The following ZBTB20 variants were observed in gnomAD, a reference collection of about 807,000 sequenced individuals.
The protein encoded by ZBTB20 is zinc finger and BTB domain containing 20.
A neutral mutation model predicts 56.9 loss-of-function variants in ZBTB20; 9 were observed. The ratio of observed to expected loss-of-function variants is 0.16; its 90% CI spans 0.10 to 0.28. ZBTB20 has a LOEUF of 0.28. ZBTB20 is among the 10% of genes least tolerant of loss of function. The pLI is 1.00. For synonymous variants in ZBTB20, 417 were observed against 420.7 expected, an observed-to-expected ratio of 0.99 and a Z score of 0.11; for missense variants, 655 against 1,003.0, an observed-to-expected ratio of 0.65 and a Z score of 4.69.
At chr3:114,897,708 G>T (rs757066089) in intron 4 of ZBTB20, among the ~76,000 whole-genome samples, 1 of 152,104 alleles carries the variant, frequency 6.6e-6, no homozygotes, top group Admixed American at 6.6e-5. Context: ...GGAAAAAACC[G>T]ATGTCTTTGA....
intron 3 of ZBTB20, among the ~76,000 whole-genome samples, chr3:114,971,632 A>C (rs939282753): frequency 1.3e-5 from 2 of 152,214 alleles, no homozygotes; most frequent in Admixed American, 6.5e-5. Context: ...AGAAACTGTC[A>C]AAAAAAGTGG....
At chr3:114,709,741 C>A (rs1452362587) in intron 5 of ZBTB20, among the ~76,000 whole-genome samples, 1 of 152,094 alleles carries the variant, frequency 6.6e-6, no homozygotes, top group Non-Finnish European at 1.5e-5. Flanking sequence ...AGGTGAGAAC[C>A]AATGGGCTAC....
At chr3:114,619,806 T>C (rs143314716) in intron 6 of ZBTB20, among the ~76,000 whole-genome samples, 3 of 152,318 alleles carry the variant, frequency 2.0e-5, no homozygotes, top group African/African-American at 2.4e-5. Flanking sequence ...GTTAAGACAG[T>C]GCAAATGATT....
At chr3:114,418,207 G>A (rs2088778668) in intron 7 of ZBTB20, among the ~76,000 whole-genome samples, 1 of 152,036 alleles carries the variant, frequency 6.6e-6, no homozygotes, top group Admixed American at 6.6e-5. Flanking sequence ...TTCTTTAGGT[G>A]TTATCTGATG....
chr3:114,440,269 G>A (rs907601283), intron 7 of ZBTB20, among the ~76,000 whole-genome samples: 2 of 151,934 alleles, frequency 1.3e-5, no homozygotes, highest in African/African-American at 4.8e-5. Context: ...GAGGATAGAT[G>A]GTTTTCTATT....
intron 7 of ZBTB20, among the ~76,000 whole-genome samples, chr3:114,402,530 CT>C (rs2086913179): frequency 6.6e-6 from 1 of 152,116 alleles, no homozygotes; most frequent in Admixed American, 6.6e-5. Flanking sequence ...GACATGGCTT[CT>C]AAAGGGGATG....
chr3:114,591,716 A>C (rs769261446), intron 6 of ZBTB20, among the ~76,000 whole-genome samples: 6 of 152,210 alleles, frequency 3.9e-5, no homozygotes, highest in Non-Finnish European at 7.4e-5. Flanking sequence ...GAAAACTAAC[A>C]ATAACTTTTA....
intron 4 of ZBTB20, among the ~76,000 whole-genome samples, chr3:114,844,541 A>ACAAAC (rs2074580559): frequency 1.4e-5 from 2 of 140,520 alleles, no homozygotes; most frequent in Non-Finnish European, 3.0e-5. Context: ...AAAAAAAAAA[A>ACAAAC]AAAAAAAAAA....
chr3:114,455,004 G>A (rs1330265074), intron 7 of ZBTB20, among the ~76,000 whole-genome samples: 6 of 141,978 alleles, frequency 4.2e-5, no homozygotes, highest in Non-Finnish European at 6.1e-5. Context: ...ACCAACCGAG[G>A]GAGGGAGAGA....
chr3:115,045,977 T>G (rs1485366279), intron 2 of ZBTB20, among the ~76,000 whole-genome samples: 4 of 152,208 alleles, frequency 2.6e-5, no homozygotes, highest in African/African-American at 9.6e-5. Context: ...AAGGTATCTC[T>G]TACTGGCTCA....
At chr3:114,672,049 T>A (rs949388948) in intron 6 of ZBTB20, among the ~76,000 whole-genome samples, 1 of 152,160 alleles carries the variant, frequency 6.6e-6, no homozygotes, top group Non-Finnish European at 1.5e-5. Flanking sequence ...ATGCAGTATG[T>A]CTGTCTATAG....
intron 4 of ZBTB20, among the ~76,000 whole-genome samples, chr3:114,834,626 C>T (rs969209492): frequency 6.6e-6 from 1 of 152,004 alleles, no homozygotes; most frequent in Non-Finnish European, 1.5e-5. Context: ...CACCTCTTAG[C>T]TCCTTTGCTC....
At chr3:115,076,223 G>T (rs2082588458) in intron 1 of ZBTB20, among the ~76,000 whole-genome samples, 2 of 151,976 alleles carry the variant, frequency 1.3e-5, no homozygotes, top group African/African-American at 4.8e-5. Context: ...AATTCACATG[G>T]AACCACAAAT....
intron 2 of ZBTB20, among the ~76,000 whole-genome samples, chr3:115,011,054 GAAGA>G (rs2079683282): frequency 6.6e-6 from 1 of 151,820 alleles, no homozygotes; most frequent in Non-Finnish European, 1.5e-5. Flanking sequence ...GGATCAAGCG[GAAGA>G]AAGAATCAGT....
At chr3:114,661,681 G>A (rs73857638) in intron 6 of ZBTB20, among the ~76,000 whole-genome samples, 14,980 of 152,016 alleles carry the variant, frequency 0.099, 1,560 homozygotes, top group African/African-American at 0.24. Context: ...AGTTTACTCT[G>A]CCTGGCTTCC....
At chr3:114,560,036 T>G (rs891567321) in intron 6 of ZBTB20, among the ~76,000 whole-genome samples, 3 of 152,170 alleles carry the variant, frequency 2.0e-5, no homozygotes, top group Non-Finnish European at 2.9e-5. Context: ...AGGTCAAATT[T>G]TATATTTATC....
chr3:114,790,021 A>C (rs2070826215), intron 5 of ZBTB20, among the ~76,000 whole-genome samples: 1 of 152,128 alleles, frequency 6.6e-6, no homozygotes, highest in African/African-American at 2.4e-5. Context: ...ACACTCATAC[A>C]CACAGACATT....
intron 2 of ZBTB20, among the ~76,000 whole-genome samples, chr3:114,983,885 G>A (rs2078429815): frequency 6.6e-6 from 1 of 151,856 alleles, no homozygotes; most frequent in Admixed American, 6.6e-5. Flanking sequence ...ATAAACTCAC[G>A]GTTTTCAGGT....
In ZBTB20 at chr3:115,050,180, C is replaced by T. The variant is rs111744518; in HGVS notation, c.-507+21039G>A. On this transcript the variant is annotated intron_variant, in intron 2 of 11. Transcript: ENST00000675478. ...AGGTAAAACCAAAAATGATGTGGTT[C>T]GGAAAACATTGAAAAGGTACGAATT... Among the ~76,000 whole-genome samples, 94 of 151,700 alleles carry T rather than the reference C, an allele frequency of 6.2e-4. 1 individual carries two copies. Among genetic ancestry groups the T allele is most frequent in the Admixed American group, 2.8e-3 (42 of 15,246 alleles).
Sources: gnomAD v4.1 joint callset for allele counts (sites outside exome capture counted in the v4.1 genomes callset) on GRCh38, gnomAD v4.1.1 for gene constraint, MANE v1.5 for transcripts, NCBI Gene and HGNC (gene_info 2026-07-23, HGNC 2026-07-21) for gene names.